Variants in MID1 observed in about 807,000 individuals in gnomAD.
MID1 encodes the protein midline 1.
MID1 carries 7 observed loss-of-function variants against 40.4 expected under a neutral mutation model. The ratio of observed to expected loss-of-function variants is 0.17; its 90% CI spans 0.10 to 0.33. The LOEUF (loss-of-function observed/expected upper bound fraction) is 0.33. Among genes scored for constraint, MID1 ranks in the 10% least tolerant of loss-of-function variants. MID1 has a pLI of 1.00. For synonymous variants in MID1, 229 were observed against 221.2 expected (o/e 1.04, Z -0.31); for missense variants, 367 against 558.5 (o/e 0.66, Z 3.46).
intron 1 of MID1, among the ~76,000 whole-genome samples, chrX:10,679,787 T>C (rs936848644): frequency 8.9e-6 from 1 of 112,145 alleles, no homozygotes; most frequent in Non-Finnish European, 1.9e-5. Context: ...GCCTCGTTAC[T>C]TAGCTTTCTT....
chrX:10,827,275 T>C (rs1431923586), intron 1 of MID1, among the ~76,000 whole-genome samples: 2 of 111,148 alleles, frequency 1.8e-5, no homozygotes, highest in African/African-American at 3.3e-5. Flanking sequence ...GTGATATAAT[T>C]GTCAATGCCT....
intron 1 of MID1, among the ~76,000 whole-genome samples, chrX:10,747,564 A>G (rs2043567062): frequency 8.9e-6 from 1 of 112,464 alleles, no homozygotes. Context: ...ACTATTTGAG[A>G]CAGTCATGAA....
chrX:10,523,309 G>C (rs184219359), intron 2 of MID1, 122 bp from the exon 3 acceptor site: 10 of 513,697 alleles, frequency 1.9e-5, no homozygotes, highest in African/African-American at 4.8e-5. Flanking sequence ...TAGTGAAATC[G>C]ACATAATTTC....
intron 1 of MID1, among the ~76,000 whole-genome samples, chrX:10,651,813 A>G (rs749184948): frequency 1.8e-5 from 2 of 111,074 alleles, no homozygotes; most frequent in African/African-American, 6.5e-5. Context: ...TTTTCAGTAA[A>G]GGCGGGGTCC....
intron 1 of MID1, among the ~76,000 whole-genome samples, chrX:10,754,290 G>A (rs2043616827): frequency 9.1e-6 from 1 of 109,716 alleles, no homozygotes; most frequent in South Asian, 3.7e-4. Flanking sequence ...GAAAAGAATA[G>A]ACAAGAGAGT....
In MID1 at chrX:10,803,550, A is replaced by C. The variant is rs191181264; in HGVS notation, c.-187+30004T>G. Among the ~76,000 whole-genome samples the C allele has an allele frequency of 4.0e-3, 438 of 110,438 alleles. 4 individuals are homozygous for C. The highest frequency in any genetic ancestry group is 0.014 in the African/African-American group (417 of 30,407). ...GTATTTTTAGTAGAGACGGGGTTTC[A>C]TCATGTTGGTCAGGCTGGTGTTGAA... On this transcript the variant is annotated intron_variant, in intron 1 of 10. Transcript: ENST00000380785.
chrX:10,827,515 C>G (rs1331272893), intron 1 of MID1, among the ~76,000 whole-genome samples: 1 of 97,438 alleles, frequency 1.0e-5, no homozygotes, highest in Non-Finnish European at 2.0e-5. Context: ...GAGATCCTCT[C>G]AAGGCTCAGG....
intron 1 of MID1, among the ~76,000 whole-genome samples, chrX:10,592,410 G>A (rs1464827653): frequency 1.9e-5 from 2 of 108,011 alleles, no homozygotes; most frequent in Admixed American, 1.0e-4. Context: ...TTTTTACCAC[G>A]GTGCATTTCC....
intron 1 of MID1, among the ~76,000 whole-genome samples, chrX:10,806,536 T>C (rs936373852): frequency 8.9e-6 from 1 of 112,015 alleles, no homozygotes; most frequent in African/African-American, 3.2e-5. Context: ...GAGGGCGGGA[T>C]TGATGACTGA....
intron 1 of MID1, among the ~76,000 whole-genome samples, chrX:10,673,402 GA>G (rs1332585671): frequency 8.9e-6 from 1 of 112,115 alleles, no homozygotes; most frequent in Non-Finnish European, 1.9e-5. Context: ...GGCATGGCCA[GA>G]AACCAAACTA....
chrX:10,766,509 A>G (rs1236957639), intron 1 of MID1, among the ~76,000 whole-genome samples: 1 of 112,251 alleles, frequency 8.9e-6, no homozygotes, highest in Admixed American at 9.5e-5. Flanking sequence ...TCAGAATACA[A>G]TGGGATGACT....
intron 2 of MID1, among the ~76,000 whole-genome samples, chrX:10,545,865 T>C (rs1403164362): frequency 1.8e-5 from 2 of 112,435 alleles, no homozygotes. Context: ...GTCATGATTC[T>C]CTTGCTTATT....
intron 1 of MID1, among the ~76,000 whole-genome samples, chrX:10,793,122 T>G (rs1163296302): frequency 8.9e-6 from 1 of 112,329 alleles, no homozygotes; most frequent in Non-Finnish European, 1.9e-5. Context: ...TTCTATTATG[T>G]CTTGAGAGCA....
At chrX:10,803,612 A>C (rs935292341) in intron 1 of MID1, among the ~76,000 whole-genome samples, 1 of 111,348 alleles carries the variant, frequency 9.0e-6, no homozygotes, top group African/African-American at 3.3e-5. Flanking sequence ...CGGCCTCCCA[A>C]AGTGCTGGGA....
At chrX:10,580,933 TAAAAAA>T (rs757426965) in intron 1 of MID1, among the ~76,000 whole-genome samples, 2 of 58,532 alleles carry the variant, frequency 3.4e-5, no homozygotes, top group African/African-American at 1.2e-4. Context: ...TGGTGTCCTG[TAAAAAA>T]AAAAAAAAAA....
At chrX:10,734,340 G>C (rs1221658508) in intron 1 of MID1, among the ~76,000 whole-genome samples, 1 of 110,966 alleles carries the variant, frequency 9.0e-6, no homozygotes. Flanking sequence ...TAAATGATGA[G>C]AACTCATGAA....
At chrX:10,814,639 A>G (rs1358235792) in intron 1 of MID1, among the ~76,000 whole-genome samples, 1 of 110,382 alleles carries the variant, frequency 9.1e-6, no homozygotes, top group Non-Finnish European at 1.9e-5. Flanking sequence ...ATGCATGCAC[A>G]TATTTAGTTA....
chrX:10,446,041 C>T lies in MID1; in HGVS notation c.*3327G>A, dbSNP rs1013633698. The T allele has an allele frequency of 2.7e-5, 3 of 111,464 alleles. No individual in the cohort carries two copies. Among genetic ancestry groups the T allele is most frequent in the African/African-American group, 9.8e-5 (3 of 30,660 alleles). The allele number at this position is 111,464 out of a possible 1,213,427, so 9.2% of individuals were successfully genotyped here. On this transcript the variant is annotated 3_prime_UTR_variant, in exon 10 of 10. Transcript: ENST00000317552. ...TGCGCTTGCACTGTAGGATGTTTAACGGCGTCCATGACCTCTACGCACTAG... is the reference window on the plus strand; with the variant it reads ...TGCGCTTGCACTGTAGGATGTTTAATGGCGTCCATGACCTCTACGCACTAG...
chrX:10,704,351 A>G (rs778154150), intron 1 of MID1, among the ~76,000 whole-genome samples: 2 of 111,279 alleles, frequency 1.8e-5, no homozygotes, highest in Non-Finnish European at 3.8e-5. Context: ...TTTCCTGAAG[A>G]AAAACACAGT....
Sources: allele counts gnomAD v4.1 joint callset (sites outside exome capture counted in the v4.1 genomes callset), GRCh38; gene constraint gnomAD v4.1.1; transcripts MANE v1.5; gene names NCBI Gene and HGNC (gene_info 2026-07-23, HGNC 2026-07-21).